Variants in RBFOX1 observed in about 807,000 individuals in gnomAD.
The protein encoded by RBFOX1 is RNA binding protein fox-1 homolog 1.
In RBFOX1, 8 loss-of-function variants were observed where a neutral mutation model predicts 57.7. That is an observed-to-expected ratio of 0.14 (90% confidence interval 0.08 to 0.25). The LOEUF (loss-of-function observed/expected upper bound fraction) is 0.25. Ranked by LOEUF, RBFOX1 falls within the 10% of genes least tolerant of loss-of-function variation. The probability of loss-of-function intolerance (pLI) is 1.00; values close to 1 mark genes in which losing one functional copy is unlikely to be tolerated. For missense variants in RBFOX1, 611 were observed against 548.5 expected, an observed-to-expected ratio of 1.11 and a Z score of -1.14; for synonymous variants, 326 against 222.4, an observed-to-expected ratio of 1.47 and a Z score of -4.15.
At chr16:7,391,151 G>C (rs916330574) in intron 4 of RBFOX1, among the ~76,000 whole-genome samples, 1 of 152,162 alleles carries the variant, frequency 6.6e-6, no homozygotes, top group East Asian at 1.9e-4. Context: ...GTTTTAGATA[G>C]GCAGCATGTC....
intron 3 of RBFOX1, among the ~76,000 whole-genome samples, chr16:6,789,218 G>A (rs1387244040): frequency 2.6e-5 from 4 of 152,088 alleles, no homozygotes; most frequent in Admixed American, 6.6e-5. Flanking sequence ...AAATGCACGT[G>A]ACAAGATGAA....
chr16:6,898,737 T>C (rs2067615504), intron 3 of RBFOX1, among the ~76,000 whole-genome samples: 2 of 152,124 alleles, frequency 1.3e-5, no homozygotes, highest in Non-Finnish European at 2.9e-5. Flanking sequence ...ATGATACATG[T>C]GTATGTGTCC....
At position 7,014,755 on chromosome 16, in the gene RBFOX1, C is replaced by T. The variant is rs538237187; in HGVS notation, c.-15-37302C>T. ...AGGTTGTTTTTTCGAGATGGAGTCT[C>T]GCTCTGTCACCCAGGCTGGAGTGCA... On this transcript the variant is annotated intron_variant, in intron 3 of 15. Coordinates refer to ENST00000550418, the MANE Select transcript of RBFOX1 (RefSeq NM_018723.4). Among the ~76,000 whole-genome samples the T allele has an allele frequency of 6.4e-4, 97 of 152,156 alleles. 1 individual carries two copies. Among genetic ancestry groups the T allele is most frequent in the African/African-American group, 1.9e-3 (78 of 41,520 alleles).
At chr16:5,861,224 G>T (rs556448181) in intron 3 of RBFOX1, among the ~76,000 whole-genome samples, 1 of 152,300 alleles carries the variant, frequency 6.6e-6, no homozygotes, top group Admixed American at 6.5e-5. Context: ...AGCCAGCTGG[G>T]TCTGTTCACC....
At chr16:6,977,256 A>G (rs1023053177) in intron 3 of RBFOX1, among the ~76,000 whole-genome samples, 2 of 150,576 alleles carry the variant, frequency 1.3e-5, no homozygotes, top group Admixed American at 1.3e-4. Flanking sequence ...TCTTGGGCAG[A>G]TTTGCTCTGC....
intron 4 of RBFOX1, among the ~76,000 whole-genome samples, chr16:7,239,305 C>T (rs977042874): frequency 6.6e-6 from 1 of 152,010 alleles, no homozygotes; most frequent in African/African-American, 2.4e-5. Context: ...TTGAGACCAG[C>T]CTGGACAACA....
chr16:7,703,062 C>G (rs959446099), intron 14 of RBFOX1, among the ~76,000 whole-genome samples: 2 of 152,190 alleles, frequency 1.3e-5, no homozygotes, highest in African/African-American at 4.8e-5. Flanking sequence ...GAGAACATCC[C>G]TTTAGCTAGA....
chr16:7,608,294 A>G (rs959138537), intron 10 of RBFOX1, among the ~76,000 whole-genome samples: 4 of 152,208 alleles, frequency 2.6e-5, no homozygotes, highest in Non-Finnish European at 5.9e-5. Context: ...ACCCTTGTAG[A>G]TGAGAAAGGA....
Position 7,201,673 on chromosome 16 carries a change from A to C in RBFOX1, c.27+149575A>C, listed in dbSNP as rs1269742982. 2.0e-5 allele frequency among the ~76,000 whole-genome samples: 3 copies of C among 152,038 alleles called. No individual in the cohort carries two copies. In the East Asian group the frequency reaches 5.8e-4, roughly 29 times the overall value. On this transcript the variant is annotated intron_variant, in intron 4 of 15. Coordinates refer to ENST00000550418, the MANE Select transcript of RBFOX1 (RefSeq NM_018723.4). ...GAGATATGGTTTCACCTTGTTGGCTAGGCTGGTCTTGAATCCAGACCTCAG... is the reference window on the plus strand; with the variant it reads ...GAGATATGGTTTCACCTTGTTGGCTCGGCTGGTCTTGAATCCAGACCTCAG...
chr16:7,055,041 C>G (rs1319760359), intron 4 of RBFOX1, among the ~76,000 whole-genome samples: 1 of 152,120 alleles, frequency 6.6e-6, no homozygotes, highest in Non-Finnish European at 1.5e-5. Flanking sequence ...TTTTCCAAAA[C>G]AGACACTGTG....
chr16:7,102,898 G>A (rs1478213475), intron 4 of RBFOX1, among the ~76,000 whole-genome samples: 1 of 152,028 alleles, frequency 6.6e-6, no homozygotes, highest in Admixed American at 6.6e-5. Context: ...AGTGCTACAA[G>A]TATATTGTGA....
chr16:7,487,689 A>G (rs574397809), intron 4 of RBFOX1, among the ~76,000 whole-genome samples: 2 of 152,144 alleles, frequency 1.3e-5, no homozygotes, highest in African/African-American at 4.8e-5. Context: ...ACTCACACAC[A>G]CACATGCATT....
At chr16:7,271,671 G>T (rs1449093907) in intron 4 of RBFOX1, among the ~76,000 whole-genome samples, 3 of 152,090 alleles carry the variant, frequency 2.0e-5, no homozygotes, top group Non-Finnish European at 2.9e-5. Context: ...TGGCTCAAAT[G>T]CCAGATGTCG....
chr16:7,064,952 T>G (rs940482319), intron 4 of RBFOX1, among the ~76,000 whole-genome samples: 1 of 152,206 alleles, frequency 6.6e-6, no homozygotes, highest in Non-Finnish European at 1.5e-5. Context: ...CCTTGGGGGA[T>G]AGAGATGATG....
At chr16:7,691,890 C>T (rs995409694) in intron 14 of RBFOX1, among the ~76,000 whole-genome samples, 4 of 152,130 alleles carry the variant, frequency 2.6e-5, no homozygotes, top group Admixed American at 6.6e-5. Context: ...TTCTTGCTTA[C>T]GGTAGCATTC....
chr16:5,398,078 G>A (rs1183943529), intron 1 of RBFOX1, among the ~76,000 whole-genome samples: 1 of 152,170 alleles, frequency 6.6e-6, no homozygotes, highest in Non-Finnish European at 1.5e-5. Flanking sequence ...GCTGTGAGAG[G>A]TTATAACTGA....
intron 4 of RBFOX1, among the ~76,000 whole-genome samples, chr16:7,284,688 G>A (rs1281092466): frequency 6.6e-6 from 1 of 152,064 alleles, no homozygotes; most frequent in Non-Finnish European, 1.5e-5. Context: ...TGGTAGTTTC[G>A]GTGTTTAATC....
Position 6,609,624 on chromosome 16 carries a change from G to T in RBFOX1, c.-63-44979G>T, listed in dbSNP as rs542109274. ...AAAAAATTTGTTTATTTCTTTACTG[G>T]ATTAGCTGTTTGGGGGAATCCTGAA... On this transcript the variant is annotated intron_variant, in intron 2 of 15. Transcript: ENST00000550418. Among the ~76,000 whole-genome samples the T allele has an allele frequency of 2.6e-5, 4 of 152,188 alleles. No homozygotes were observed. The South Asian group carries it at 8.3e-4, about 32-fold the overall frequency.
At chr16:5,641,800 T>C (rs1172426180) in intron 3 of RBFOX1, among the ~76,000 whole-genome samples, 1 of 152,200 alleles carries the variant, frequency 6.6e-6, no homozygotes, top group Non-Finnish European at 1.5e-5. Context: ...TCAAACTGTA[T>C]GCTCTTCCTA....
Sources: gnomAD v4.1 joint callset for allele counts (sites outside exome capture counted in the v4.1 genomes callset) on GRCh38, gnomAD v4.1.1 for gene constraint, MANE v1.5 for transcripts, NCBI Gene and HGNC (gene_info 2026-07-23, HGNC 2026-07-21) for gene names.